FILIP1L: variants seen among roughly 807,000 people sequenced by gnomAD.
FILIP1L encodes filamin A-interacting protein 1-like.
Under a neutral mutation model 96.6 loss-of-function variants are expected in FILIP1L, and 55 were observed. That is an observed-to-expected ratio of 0.57 (90% CI 0.46 to 0.71). FILIP1L has a LOEUF of 0.71. Among genes scored for constraint, FILIP1L ranks in the 30% least tolerant of loss-of-function variants. The probability of loss-of-function intolerance (pLI) is 0.00; values close to 1 mark genes in which losing one functional copy is unlikely to be tolerated. For synonymous variants in FILIP1L, 467 were observed against 473.9 expected (o/e 0.99, Z 0.19); for missense variants, 1,304 against 1,321.2 (o/e 0.99, Z 0.20).
intron 1 of FILIP1L, among the ~76,000 whole-genome samples, chr3:100,062,174 C>T (rs1479956709): frequency 4.7e-5 from 6 of 126,460 alleles, no homozygotes; most frequent in Admixed American, 2.0e-4. Flanking sequence ...TGCAGTGGCG[C>T]GATCTTGGCT....
At chr3:99,945,620 C>T (rs1707986003) in intron 1 of FILIP1L, among the ~76,000 whole-genome samples, 1 of 152,220 alleles carries the variant, frequency 6.6e-6, no homozygotes, top group Non-Finnish European at 1.5e-5. Flanking sequence ...CATTTACACA[C>T]AGACTAAACT....
chr3:99,873,573 G>A (rs1434200042), intron 4 of FILIP1L, among the ~76,000 whole-genome samples: 3 of 152,122 alleles, frequency 2.0e-5, no homozygotes, highest in Non-Finnish European at 2.9e-5. Flanking sequence ...GACAGAACAT[G>A]ACCTAAGCAG....
chr3:99,924,402 T>C lies in FILIP1L; in HGVS notation c.433A>G (p.Lys145Glu). The C allele has an allele frequency of 6.2e-7, 1 of 1,613,932 alleles. No homozygotes were observed. Among genetic ancestry groups the C allele is most frequent in the Non-Finnish European group, 8.5e-7 (1 of 1,179,940 alleles). ...GATTCTTTATGTTTTTCCACAACTT[T>C]GTCCAACTACGAAAGAAAACATTTA... ...IYEKPMNELD[K>E]VVEKHKESYR... Residue 145 changes from lysine to glutamate, a missense_variant, in exon 4 of 6, where the codon AAA becomes GAA. By Grantham distance (56) the Lys-to-Glu change is moderately conservative. Transcript: ENST00000477258.
At chr3:99,915,498 A>G (rs551262141) in intron 4 of FILIP1L, among the ~76,000 whole-genome samples, 1 of 152,268 alleles carries the variant, frequency 6.6e-6, no homozygotes, top group African/African-American at 2.4e-5. Context: ...ATGTACTTAA[A>G]AACCCTCACT....
chr3:100,000,471 CA>C (rs1408168502), intron 1 of FILIP1L, among the ~76,000 whole-genome samples: 1 of 152,062 alleles, frequency 6.6e-6, no homozygotes. Context: ...TAGGCCAAAT[CA>C]AGGAAGGGGA....
chr3:99,850,961 CAA>C lies in FILIP1L; in HGVS notation c.713_714del (p.Phe238CysfsTer7). 1 of 1,614,160 alleles carries C rather than the reference CAA, an allele frequency of 6.2e-7. No individual in the cohort carries two copies. Among genetic ancestry groups the C allele is most frequent in the Non-Finnish European group, 8.5e-7 (1 of 1,180,010 alleles). ...TGCTGTTCATCCACCACCATCAAAGCAAAAGACTTCAGCTTGGTCAGCTCCTC... is the reference window on the plus strand; with the variant it reads ...TGCTGTTCATCCACCACCATCAAAGCAAGACTTCAGCTTGGTCAGCTCCTC... ...LKEELTKLKS[F>X]ALMVVDEQQR... On this transcript the variant is annotated frameshift_variant, in exon 5 of 6. Transcript: ENST00000477258. LOFTEE classifies it high-confidence loss of function.
chr3:99,950,879 G>A (rs1708156601), intron 1 of FILIP1L, among the ~76,000 whole-genome samples: 1 of 152,192 alleles, frequency 6.6e-6, no homozygotes, highest in African/African-American at 2.4e-5. Context: ...GAAAGAAAGA[G>A]AGAAAAACTG....
chr3:99,970,814 A>G (rs1431796265), intron 1 of FILIP1L, among the ~76,000 whole-genome samples: 1 of 152,234 alleles, frequency 6.6e-6, no homozygotes, highest in Non-Finnish European at 1.5e-5. Context: ...ACAGCCAGCC[A>G]CAGAAAGATT....
At chr3:100,083,993 TTCTCC>T (rs1401030065) in intron 1 of FILIP1L, among the ~76,000 whole-genome samples, 1 of 152,212 alleles carries the variant, frequency 6.6e-6, no homozygotes, top group Admixed American at 6.5e-5. Flanking sequence ...CAAAGAATAT[TTCTCC>T]GTTATAGTTA....
intron 1 of FILIP1L, chr3:99,964,400 G>C (rs1298865219): frequency 6.6e-6 from 1 of 150,670 alleles, no homozygotes; most frequent in East Asian, 2.0e-4. Context: ...TGGGCTAGGT[G>C]ATGTTTAGGA....
rs1687013908 is a variant in FILIP1L at position 99,929,910 on chromosome 3, A to G, written c.372T>C (p.Phe124=). ...CCTGCCAAGGGGTAGATTTCGCTTG[A>G]AAAGCATCTCTCTGGAGAGCCTCTA... ...KVLEALQRDA[F]QAKSTPWQED... Residue 124 remains phenylalanine (F), a synonymous_variant, in exon 3 of 6, where the codon TTT becomes TTC. Transcript: ENST00000477258. 6.2e-7 allele frequency: 1 copy of G among 1,613,684 alleles called. No homozygotes were observed.
intron 1 of FILIP1L, among the ~76,000 whole-genome samples, chr3:100,084,576 C>T (rs575601733): frequency 6.6e-6 from 1 of 152,204 alleles, no homozygotes; most frequent in Non-Finnish European, 1.5e-5. Context: ...TTATGATAGC[C>T]GTGTCTCTTA....
rs1033638492 is a variant in FILIP1L, at chr3:99,916,505, C to A, written c.605+7725G>T. ...ACACACGTTCTGTTTCTCTGGAGGA[C>A]CCTGACAAATACAGTGCTAATGGTC... On this transcript the variant is annotated intron_variant, in intron 4 of 5. Transcript: ENST00000477258. 8.6e-5 allele frequency among the ~76,000 whole-genome samples: 13 copies of A among 151,310 alleles called. No homozygotes were observed. The East Asian group carries it at 2.5e-3, about 29-fold the overall frequency.
chr3:100,009,243 A>G lies in FILIP1L; in HGVS notation c.-10-78213T>C, dbSNP rs1473538756. Among the ~76,000 whole-genome samples the G allele has an allele frequency of 5.3e-5, 8 of 152,220 alleles. No homozygotes were observed. The South Asian group carries it at 1.0e-3, about 20-fold the overall frequency. Reference sequence around the variant, plus strand: ...TGGATTTTAACCTACGGTATTATCAAGAATATAAGATCTATCTTCAGTTCA... The same window carrying G: ...TGGATTTTAACCTACGGTATTATCAGGAATATAAGATCTATCTTCAGTTCA... On this transcript the variant is annotated intron_variant, in intron 1 of 5. Coordinates refer to ENST00000477258, the MANE Select transcript of FILIP1L (RefSeq NM_001387850.1).
intron 1 of FILIP1L, among the ~76,000 whole-genome samples, chr3:99,945,519 A>G (rs774336344): frequency 6.6e-6 from 1 of 152,162 alleles, no homozygotes; most frequent in Non-Finnish European, 1.5e-5. Flanking sequence ...AAATAAATGG[A>G]TGTCAGAAGC....
At chr3:100,086,240 T>C (rs907783801) in intron 1 of FILIP1L, among the ~76,000 whole-genome samples, 1 of 152,212 alleles carries the variant, frequency 6.6e-6, no homozygotes, top group Non-Finnish European at 1.5e-5. Flanking sequence ...AGTTAACCTA[T>C]TGAGCTGATT....
intron 1 of FILIP1L, among the ~76,000 whole-genome samples, chr3:100,067,731 A>T (rs1305948688): frequency 6.6e-6 from 1 of 152,206 alleles, no homozygotes; most frequent in African/African-American, 2.4e-5. Flanking sequence ...CACACTGAGT[A>T]GGTGCTAAAT....
At chr3:99,881,603 G>A (rs1438287160) in intron 4 of FILIP1L, among the ~76,000 whole-genome samples, 2 of 151,840 alleles carry the variant, frequency 1.3e-5, no homozygotes, top group African/African-American at 4.8e-5. Flanking sequence ...TGCAAGCTCG[G>A]CTCACTGCAA....
At chr3:100,096,488 G>T (rs1576054434) in intron 1 of FILIP1L, among the ~76,000 whole-genome samples, 3 of 152,286 alleles carry the variant, frequency 2.0e-5, no homozygotes, top group African/African-American at 4.8e-5. Context: ...AGGTCATTAT[G>T]TTAAGTGAAA....
Sources: gnomAD v4.1 joint callset for allele counts (sites outside exome capture counted in the v4.1 genomes callset) on GRCh38, gnomAD v4.1.1 for gene constraint, MANE v1.5 for transcripts, NCBI Gene and HGNC (gene_info 2026-07-23, HGNC 2026-07-21) for gene names.